CBFB: variants seen among roughly 807,000 people sequenced by gnomAD.
CBFB encodes core-binding factor subunit beta.
Under a neutral mutation model 30.4 loss-of-function variants are expected in CBFB, and 9 were observed. That is an observed-to-expected ratio of 0.30 (90% CI 0.18 to 0.52). The LOEUF is 0.52. Among genes scored for constraint, CBFB ranks in the 20% least tolerant of loss-of-function variants. CBFB has a pLI of 0.97. For missense variants in CBFB, 170 were observed against 244.0 expected (o/e 0.70, Z 2.02); for synonymous variants, 94 against 84.0 (o/e 1.12, Z -0.65).
chr16:67,070,132 A>G (rs1012996331), intron 4 of CBFB, among the ~76,000 whole-genome samples: 1 of 152,254 alleles, frequency 6.6e-6, no homozygotes, highest in Non-Finnish European at 1.5e-5. Context: ...GTATCTTCCC[A>G]TATAGTTCTT....
At chr16:67,071,948 G>A (rs546879606) in intron 4 of CBFB, among the ~76,000 whole-genome samples, 1 of 152,254 alleles carries the variant, frequency 6.6e-6, no homozygotes, top group African/African-American at 2.4e-5. Context: ...CGAGTGAGCC[G>A]GTGGCAGCCT....
At chr16:67,095,568 T>G (rs1207223752) in intron 5 of CBFB, among the ~76,000 whole-genome samples, 1 of 152,088 alleles carries the variant, frequency 6.6e-6, no homozygotes, top group East Asian at 1.9e-4. Context: ...AAACTGTTGC[T>G]ACTTGGGAAG....
At chr16:67,043,380 C>T (rs191334671) in intron 3 of CBFB, among the ~76,000 whole-genome samples, 296 of 152,226 alleles carry the variant, frequency 1.9e-3, no homozygotes, top group African/African-American at 6.6e-3. Flanking sequence ...TTTATTCATT[C>T]TGTTGCTTAT....
chr16:67,039,262 G>T (rs1966492123), intron 3 of CBFB, among the ~76,000 whole-genome samples: 1 of 152,050 alleles, frequency 6.6e-6, no homozygotes, highest in African/African-American at 2.4e-5. Context: ...AACACAATTT[G>T]GTAAGTATTT....
chr16:67,066,671 C>T lies in CBFB; in HGVS notation c.283-11C>T. The T allele has an allele frequency of 7.1e-7, 1 of 1,405,012 alleles. No individual in the cohort carries two copies. Among genetic ancestry groups the T allele is most frequent in the Non-Finnish European group, 1.0e-6 (1 of 994,368 alleles). The allele number at this position is 1,405,012 out of a possible 1,614,324, so 87.0% of individuals were successfully genotyped here. Reference sequence around the variant, plus strand: ...GGTTTTCAATTATTTTCATCCTTTTCTGTGTCTTAGGTATATTTGAAGGCT... The same window carrying T: ...GGTTTTCAATTATTTTCATCCTTTTTTGTGTCTTAGGTATATTTGAAGGCT... On this transcript the variant is annotated splice_polypyrimidine_tract_variant and intron_variant, in intron 3 of 5. Coordinates refer to ENST00000412916, the MANE Select transcript of CBFB (RefSeq NM_022845.3).
chr16:67,064,395 C>T (rs575662115), intron 3 of CBFB, among the ~76,000 whole-genome samples: 2 of 152,134 alleles, frequency 1.3e-5, no homozygotes, highest in East Asian at 3.9e-4. Flanking sequence ...TTAGTAGAGA[C>T]GGGGTTTCAC....
At chr16:67,034,779 G>T (rs558562032) in intron 2 of CBFB, among the ~76,000 whole-genome samples, 1 of 152,348 alleles carries the variant, frequency 6.6e-6, no homozygotes, top group East Asian at 1.9e-4. Flanking sequence ...ACACGGGGCA[G>T]TCGTTCATGG....
chr16:67,054,881 C>T (rs927473074), intron 3 of CBFB, among the ~76,000 whole-genome samples: 1 of 151,450 alleles, frequency 6.6e-6, no homozygotes, highest in Non-Finnish European at 1.5e-5. Context: ...GCCTCCCACG[C>T]GTAGCTGGGA....
chr16:67,064,515 GT>G (rs1030154276), intron 3 of CBFB, among the ~76,000 whole-genome samples: 6 of 152,056 alleles, frequency 3.9e-5, no homozygotes, highest in Non-Finnish European at 8.8e-5. Context: ...CTAAAATTAT[GT>G]TTTTAAAAGT....
chr16:67,051,405 GTAATATATATATGGATCCAAA>G (rs1421252499), intron 3 of CBFB, among the ~76,000 whole-genome samples: 1 of 151,720 alleles, frequency 6.6e-6, no homozygotes, highest in Non-Finnish European at 1.5e-5. Flanking sequence ...GATCCAAAAT[GTAATATATATATGGATCCAAA>G]TATATGTATA....
At chr16:67,090,993 CTACCAATATTCTT>C (rs926892813) in intron 5 of CBFB, among the ~76,000 whole-genome samples, 1 of 152,226 alleles carries the variant, frequency 6.6e-6, no homozygotes, top group Non-Finnish European at 1.5e-5. Context: ...TTATTTAACT[CTACCAATATTCTT>C]TCTTGTGTAT....
chr16:67,042,021 C>G (rs1254189022), intron 3 of CBFB, among the ~76,000 whole-genome samples: 3 of 151,900 alleles, frequency 2.0e-5, no homozygotes, highest in African/African-American at 7.3e-5. Context: ...GATCTTCCCA[C>G]CTCAGCCTCC....
chr16:67,080,570 G>A (rs1337918076), intron 4 of CBFB, among the ~76,000 whole-genome samples: 2 of 152,190 alleles, frequency 1.3e-5, no homozygotes, highest in South Asian at 4.1e-4. Flanking sequence ...GAGTCCTGAG[G>A]TATCTGGGTT....
intron 3 of CBFB, among the ~76,000 whole-genome samples, chr16:67,040,320 C>T (rs1267891273): frequency 6.6e-6 from 1 of 152,184 alleles, no homozygotes; most frequent in Non-Finnish European, 1.5e-5. Context: ...ACTGAGTTAC[C>T]TTCTGAAGCA....
intron 3 of CBFB, among the ~76,000 whole-genome samples, chr16:67,058,371 C>A (rs1441434166): frequency 6.6e-6 from 1 of 152,146 alleles, no homozygotes; most frequent in Admixed American, 6.6e-5. Flanking sequence ...CAACTCCTGA[C>A]CTCAAGTGAT....
chr16:67,029,938 C>T, intron 2 of CBFB, 125 bp downstream of exon 2: 2 of 551,940 alleles, frequency 3.6e-6, no homozygotes, highest in Non-Finnish European at 3.0e-6. Flanking sequence ...CGTCTCACTT[C>T]CTACTCGGGA....
Position 67,098,814 on chromosome 16 carries a change from C to T in CBFB, c.*36C>T, listed in dbSNP as rs570239378. 9.4e-6 allele frequency: 11 copies of T among 1,165,278 alleles called. No homozygotes were observed. In the African/African-American group the frequency reaches 1.1e-4, roughly 11 times the overall value. 72.2% of individuals were successfully genotyped at this position (1,165,278 alleles called of 1,614,324 possible). The stretch of plus-strand genomic sequence containing the variant: ...AGCAGATGTGTGCTGCCCATCTTTA[C>T]ATACACATTGCTTCTAGTTGGCAGA... On this transcript the variant is annotated 3_prime_UTR_variant, in exon 6 of 6. Transcript: ENST00000412916.
chr16:67,033,364 G>T (rs1206873691), intron 2 of CBFB, among the ~76,000 whole-genome samples: 1 of 151,852 alleles, frequency 6.6e-6, no homozygotes, highest in African/African-American at 2.4e-5. Flanking sequence ...TTTTGAGACT[G>T]GATCTTACTC....
chr16:67,029,428 C>T lies in CBFB; in HGVS notation c.21C>T (p.Asp7=). 6.3e-7 allele frequency: 1 copy of T among 1,583,628 alleles called. No individual in the cohort carries two copies. The highest frequency in any genetic ancestry group is 8.6e-7 in the Non-Finnish European group (1 of 1,166,950). MPRVVP[D]QRSKFENEEF... ...GGAAGATGCCGCGCGTCGTGCCCGA[C>T]CAGAGAAGCAAGTTCGAGAACGAGG... Residue 7 remains aspartate, a synonymous_variant, in exon 1 of 6, where the codon GAC becomes GAT. Coordinates refer to ENST00000412916, the MANE Select transcript of CBFB (RefSeq NM_022845.3).
Sources: allele counts gnomAD v4.1 joint callset (sites outside exome capture counted in the v4.1 genomes callset), GRCh38; gene constraint gnomAD v4.1.1; transcripts MANE v1.5; gene names NCBI Gene and HGNC (gene_info 2026-07-23, HGNC 2026-07-21).